KAZN: variants seen among roughly 807,000 people sequenced by gnomAD.
KAZN encodes the protein kazrin.
In KAZN, 40 loss-of-function variants were observed where a neutral mutation model predicts 87.4. The observed-to-expected ratio is 0.46, with a 90% CI of 0.36 to 0.60. The LOEUF (loss-of-function observed/expected upper bound fraction) is 0.60, where lower values mean the gene tolerates loss of function less well. KAZN is among the 20% of genes least tolerant of loss of function. The pLI is 0.00. For missense variants in KAZN, 898 were observed against 1,073.9 expected (o/e 0.84, Z 2.29); for synonymous variants, 466 against 458.3 (o/e 1.02, Z -0.22).
intron 2 of KAZN, among the ~76,000 whole-genome samples, chr1:14,214,581 G>T (rs1432838676): frequency 6.6e-6 from 1 of 152,056 alleles, no homozygotes; most frequent in African/African-American, 2.4e-5. Context: ...TTCCTAGAAG[G>T]ACATGAAAAT....
At chr1:14,870,399 A>G (rs1395580002) in intron 1 of KAZN, among the ~76,000 whole-genome samples, 4 of 152,102 alleles carry the variant, frequency 2.6e-5, no homozygotes, top group Non-Finnish European at 2.9e-5. Context: ...CTGGAGTGCA[A>G]TGGCACAATC....
At chr1:14,399,465 A>G (rs1663196761) in intron 2 of KAZN, among the ~76,000 whole-genome samples, 1 of 152,086 alleles carries the variant, frequency 6.6e-6, no homozygotes, top group South Asian at 2.1e-4. Flanking sequence ...CTTGATAGTC[A>G]TTGGTAAAGG....
rs567304974 is a variant in KAZN at position 14,783,953 on chromosome 1, C to T, written c.227-176731C>T. Reference sequence around the variant, plus strand: ...CTGTGCCAAAAGTTGGGGTCCTCATCTGTGGACAGCAGTGACCCCTAAGAA... The same window carrying T: ...CTGTGCCAAAAGTTGGGGTCCTCATTTGTGGACAGCAGTGACCCCTAAGAA... On this transcript the variant is annotated intron_variant, in intron 1 of 14. Coordinates refer to ENST00000376030, the MANE Select transcript of KAZN (RefSeq NM_201628.3). 6.2e-4 allele frequency among the ~76,000 whole-genome samples: 95 copies of T among 152,266 alleles called. 1 individual carries two copies. Among genetic ancestry groups the T allele is most frequent in the African/African-American group, 2.2e-3 (92 of 41,554 alleles).
intron 1 of KAZN, among the ~76,000 whole-genome samples, chr1:13,899,106 T>C (rs149004212): frequency 5.9e-5 from 9 of 152,358 alleles, no homozygotes; most frequent in Admixed American, 5.9e-4. Context: ...GACCTGTTTC[T>C]TGCCTGGCTG....
intron 2 of KAZN, chr1:14,221,878 C>A (rs1032501300): frequency 2.0e-5 from 3 of 152,112 alleles, no homozygotes; most frequent in Admixed American, 1.3e-4. Flanking sequence ...GACAAGGAAG[C>A]AATCACCGTT....
At chr1:13,918,705 C>T (rs960506299) in intron 1 of KAZN, among the ~76,000 whole-genome samples, 5 of 152,228 alleles carry the variant, frequency 3.3e-5, no homozygotes, top group Non-Finnish European at 7.3e-5. Context: ...TAAGAAATGG[C>T]CACAGCCATT....
upstream of KAZN, among the ~76,000 whole-genome samples, chr1:14,594,287 G>T (rs1676362248): frequency 6.6e-6 from 1 of 152,178 alleles, no homozygotes; most frequent in Non-Finnish European, 1.5e-5. Context: ...GTCAGCAATG[G>T]GTTAGGCCCT....
intron 1 of KAZN, among the ~76,000 whole-genome samples, chr1:14,703,220 G>A (rs1416872234): frequency 6.6e-6 from 1 of 152,190 alleles, no homozygotes. Flanking sequence ...ACCAGGCTGG[G>A]CGAGGTGGCT....
intron 1 of KAZN, among the ~76,000 whole-genome samples, chr1:14,126,066 G>T (rs1270376090): frequency 6.6e-6 from 1 of 152,096 alleles, no homozygotes; most frequent in Non-Finnish European, 1.5e-5. Context: ...AGCACTGAGG[G>T]TTTCAGACTA....
intron 1 of KAZN, among the ~76,000 whole-genome samples, chr1:14,795,913 T>G (rs916156353): frequency 6.6e-6 from 1 of 152,162 alleles, no homozygotes; most frequent in African/African-American, 2.4e-5. Flanking sequence ...CAGGAAACCC[T>G]CACCGGCACC....
intron 4 of KAZN, among the ~76,000 whole-genome samples, chr1:15,054,602 A>C (rs1211982904): frequency 6.6e-6 from 1 of 151,674 alleles, no homozygotes; most frequent in Admixed American, 6.6e-5. Flanking sequence ...CAGTAAACCG[A>C]GATCGCGCCA....
intron 2 of KAZN, among the ~76,000 whole-genome samples, chr1:14,409,965 AG>A (rs1472430761): frequency 6.6e-6 from 1 of 152,234 alleles, no homozygotes; most frequent in African/African-American, 2.4e-5. Flanking sequence ...TGGCTTGAAC[AG>A]CAGATTAATC....
At chr1:14,287,956 G>T (rs1653383903) in intron 2 of KAZN, among the ~76,000 whole-genome samples, 1 of 152,180 alleles carries the variant, frequency 6.6e-6, no homozygotes, top group African/African-American at 2.4e-5. Flanking sequence ...TTTGTTGATG[G>T]TTGTGTTTAT....
At chr1:14,979,576 A>G (rs1666028479) in intron 2 of KAZN, among the ~76,000 whole-genome samples, 1 of 152,112 alleles carries the variant, frequency 6.6e-6, no homozygotes, top group Non-Finnish European at 1.5e-5. Flanking sequence ...GGTGGCTCAG[A>G]GACCACCACA....
chr1:14,004,272 A>G (rs1032656923), intron 1 of KAZN, among the ~76,000 whole-genome samples: 1 of 152,232 alleles, frequency 6.6e-6, no homozygotes, highest in Non-Finnish European at 1.5e-5. Context: ...TATTGCTGAT[A>G]GTGGTGTAAA....
intron 2 of KAZN, among the ~76,000 whole-genome samples, chr1:14,233,217 G>T (rs538106012): frequency 6.6e-6 from 1 of 151,980 alleles, no homozygotes; most frequent in African/African-American, 2.4e-5. Flanking sequence ...CTGCAGCCTC[G>T]GTTTCCTGCG....
At chr1:14,948,663 C>T (rs565716335) in intron 1 of KAZN, among the ~76,000 whole-genome samples, 2 of 152,188 alleles carry the variant, frequency 1.3e-5, no homozygotes, top group South Asian at 4.1e-4. Context: ...CCAGCGGGGG[C>T]TAATAGAGAA....
At chr1:14,710,721 T>C (rs1034128500) in intron 1 of KAZN, among the ~76,000 whole-genome samples, 1 of 152,192 alleles carries the variant, frequency 6.6e-6, no homozygotes, top group African/African-American at 2.4e-5. Context: ...CCCTGCTTCA[T>C]TTGTCCCACA....
At chr1:14,854,512 G>T (rs371809457) in intron 1 of KAZN, among the ~76,000 whole-genome samples, 9 of 152,170 alleles carry the variant, frequency 5.9e-5, no homozygotes, top group African/African-American at 2.2e-4. Flanking sequence ...GGTGGAGAAG[G>T]TCAAAGGGGA....
Sources: allele counts gnomAD v4.1 joint callset (sites outside exome capture counted in the v4.1 genomes callset), GRCh38; gene constraint gnomAD v4.1.1; transcripts MANE v1.5; gene names NCBI Gene and HGNC (gene_info 2026-07-23, HGNC 2026-07-21).